Variants in SGCZ observed in about 807,000 individuals in gnomAD.
SGCZ encodes zeta-sarcoglycan.
In SGCZ, 40 loss-of-function variants were observed where a neutral mutation model predicts 41.3. The ratio of observed to expected loss-of-function variants is 0.97; its 90% CI spans 0.75 to 1.26. SGCZ has a LOEUF of 1.26. SGCZ is among the 50% of genes most tolerant of loss of function. The probability of loss-of-function intolerance (pLI) is 0.00; values close to 1 mark genes in which losing one functional copy is unlikely to be tolerated. For synonymous variants in SGCZ, 206 were observed against 137.5 expected (o/e 1.50, Z -3.49); for missense variants, 552 against 369.8 (o/e 1.49, Z -4.04).
At chr8:14,953,763 A>G (rs1371325591) in intron 1 of SGCZ, among the ~76,000 whole-genome samples, 12 of 152,218 alleles carry the variant, frequency 7.9e-5, no homozygotes, top group Admixed American at 6.5e-5. Context: ...AAATGAATTA[A>G]TTCAGGATAA....
intron 1 of SGCZ, among the ~76,000 whole-genome samples, chr8:15,070,543 G>A (rs1190729259): frequency 6.6e-6 from 1 of 152,096 alleles, no homozygotes; most frequent in Non-Finnish European, 1.5e-5. Context: ...AGCACTCAGA[G>A]GAAAGAATGT....
intron 4 of SGCZ, among the ~76,000 whole-genome samples, chr8:14,172,258 C>T (rs964315985): frequency 6.6e-6 from 1 of 152,116 alleles, no homozygotes; most frequent in African/African-American, 2.4e-5. Flanking sequence ...CTGTAATCAC[C>T]TACAAATTCA....
rs1180191488 is a variant in SGCZ, at chr8:15,097,855, T to TATATAC, written c.39+139729_39+139730insGTATAT. Among the ~76,000 whole-genome samples the TATATAC allele has an allele frequency of 7.3e-4, 7 of 9,580 alleles. No homozygotes were observed. In the East Asian group the frequency reaches 9.4e-3, roughly 13 times the overall value. The allele number at this position is 9,580 out of a possible 152,430, so 6.3% of individuals were successfully genotyped here. A position where few individuals can be genotyped will look rare whatever the true frequency, so the allele number is the denominator to read the frequency against. The stretch of plus-strand genomic sequence containing the variant: ...ATATACGTGTGTGTATATATATATA[T>TATATAC]ACGTGTGTGTGTATATATATATATA... On this transcript the variant is annotated intron_variant, in intron 1 of 7. Coordinates refer to ENST00000382080, the MANE Select transcript of SGCZ (RefSeq NM_139167.4).
chr8:14,386,655 G>A (rs988260793), intron 2 of SGCZ, among the ~76,000 whole-genome samples: 4 of 152,058 alleles, frequency 2.6e-5, no homozygotes, highest in Admixed American at 6.6e-5. Flanking sequence ...TTTACATTTT[G>A]TTCAAAAGCA....
chr8:14,532,815 CG>C (rs1803175677), intron 2 of SGCZ, among the ~76,000 whole-genome samples: 1 of 151,140 alleles, frequency 6.6e-6, no homozygotes, highest in Non-Finnish European at 1.5e-5. Flanking sequence ...AAGAAAGTCC[CG>C]ACTCACTACT....
chr8:14,187,015 T>C (rs557600575), intron 4 of SGCZ, among the ~76,000 whole-genome samples: 12 of 152,208 alleles, frequency 7.9e-5, no homozygotes, highest in Admixed American at 6.5e-5. Flanking sequence ...ACTCTACCAA[T>C]TGCTGGCTGA....
intron 4 of SGCZ, among the ~76,000 whole-genome samples, chr8:14,171,381 T>C (rs1804377234): frequency 6.6e-6 from 1 of 152,014 alleles, no homozygotes. Flanking sequence ...TGCAAAGTTT[T>C]CTAATTTATT....
chr8:14,455,109 T>A (rs150700938), intron 2 of SGCZ, among the ~76,000 whole-genome samples: 1 of 152,062 alleles, frequency 6.6e-6, no homozygotes, highest in African/African-American at 2.4e-5. Context: ...GGAGAAAATA[T>A]ATGTAACATA....
intron 2 of SGCZ, among the ~76,000 whole-genome samples, chr8:14,344,259 A>G (rs1802814075): frequency 6.6e-6 from 1 of 152,108 alleles, no homozygotes; most frequent in African/African-American, 2.4e-5. Flanking sequence ...ATTTTAATTG[A>G]AGAATAATGG....
intron 2 of SGCZ, among the ~76,000 whole-genome samples, chr8:14,353,433 G>T (rs1019345387): frequency 3.3e-5 from 5 of 151,796 alleles, no homozygotes; most frequent in Non-Finnish European, 7.4e-5. Context: ...TAACTCTTTA[G>T]AACCCAGACC....
At chr8:14,712,177 G>A (rs187210077) in intron 1 of SGCZ, among the ~76,000 whole-genome samples, 1 of 152,108 alleles carries the variant, frequency 6.6e-6, no homozygotes, top group South Asian at 2.1e-4. Flanking sequence ...TTTAAGACTA[G>A]CATTTCACTT....
At chr8:14,641,415 C>G (rs78473082) in intron 1 of SGCZ, among the ~76,000 whole-genome samples, 16,270 of 151,488 alleles carry the variant, frequency 0.11, 1,039 homozygotes, top group African/African-American at 0.19. Flanking sequence ...ATTTGAAATA[C>G]CAGGATGTAG....
At chr8:14,203,261 G>C (rs900384421) in intron 4 of SGCZ, among the ~76,000 whole-genome samples, 1 of 152,188 alleles carries the variant, frequency 6.6e-6, no homozygotes, top group African/African-American at 2.4e-5. Context: ...ACATTAAATA[G>C]ATGCTATTTG....
At chr8:15,145,894 C>T (rs746240332) in intron 1 of SGCZ, among the ~76,000 whole-genome samples, 47 of 152,086 alleles carry the variant, frequency 3.1e-4, no homozygotes, top group Non-Finnish European at 3.4e-4. Flanking sequence ...CCTCTGCCTC[C>T]CTAGAACTTG....
chr8:14,972,096 G>A (rs1380396595), intron 1 of SGCZ, among the ~76,000 whole-genome samples: 1 of 152,050 alleles, frequency 6.6e-6, no homozygotes. Context: ...AGGATGTTAT[G>A]TAGACTTTGG....
intron 1 of SGCZ, among the ~76,000 whole-genome samples, chr8:15,066,293 C>T (rs936480790): frequency 2.2e-5 from 3 of 136,042 alleles, no homozygotes; most frequent in Admixed American, 1.7e-4. Flanking sequence ...CCGGCCTGGG[C>T]GACAGAGCGA....
At chr8:14,727,119 G>C (rs1225455983) in intron 1 of SGCZ, among the ~76,000 whole-genome samples, 1 of 151,788 alleles carries the variant, frequency 6.6e-6, no homozygotes, top group Non-Finnish European at 1.5e-5. Flanking sequence ...AATACCAAGA[G>C]AAAAACAAAT....
rs1002240666 is a variant in SGCZ, at chr8:14,572,446, G to T, written c.40-17520C>A. On this transcript the variant is annotated intron_variant, in intron 1 of 7. Transcript: ENST00000382080. ...AAACAATCAAATGAGATTACCATGT[G>T]CCAGGCACTAATGCCCACAGGTGTT... Among the ~76,000 whole-genome samples, 5 of 152,104 alleles carry T rather than the reference G, an allele frequency of 3.3e-5. No homozygotes were observed. In the East Asian group the frequency reaches 9.6e-4, roughly 29 times the overall value.
intron 1 of SGCZ, among the ~76,000 whole-genome samples, chr8:14,838,863 A>T (rs560322334): frequency 2.6e-4 from 40 of 152,234 alleles, no homozygotes; most frequent in Admixed American, 1.6e-3. Context: ...TACATCAATT[A>T]AGAGAGTCAG....
Sources: gnomAD v4.1 joint callset for allele counts (sites outside exome capture counted in the v4.1 genomes callset) on GRCh38, gnomAD v4.1.1 for gene constraint, MANE v1.5 for transcripts, NCBI Gene and HGNC (gene_info 2026-07-23, HGNC 2026-07-21) for gene names.